The following ARMC9 variants were observed in gnomAD, a reference collection of about 807,000 sequenced individuals.
The protein encoded by ARMC9 is armadillo repeat containing 9.
A neutral mutation model predicts 107.0 loss-of-function variants in ARMC9; 94 were observed. The ratio of observed to expected loss-of-function variants is 0.88; its 90% CI spans 0.74 to 1.04. The LOEUF (loss-of-function observed/expected upper bound fraction) is 1.04, where lower values mean the gene tolerates loss of function less well. ARMC9 is among the 50% of genes least tolerant of loss of function. ARMC9 has a pLI of 0.00. For synonymous variants in ARMC9, 380 were observed against 396.9 expected, an observed-to-expected ratio of 0.96 and a Z score of 0.51; for missense variants, 942 against 1,030.1, an observed-to-expected ratio of 0.91 and a Z score of 1.17.
chr2:231,359,600 C>T (rs956330002), intron 22 of ARMC9, among the ~76,000 whole-genome samples: 3 of 152,176 alleles, frequency 2.0e-5, no homozygotes, highest in African/African-American at 7.2e-5. Context: ...CTGGCGTGGG[C>T]ACAGCTTTGT....
In ARMC9 at chr2:231,278,549, A is replaced by G. The variant is rs571435359; in HGVS notation, c.1551+91A>G. ...CCCACAGGCACACAGCTGGCCCAGG[A>G]TGGTTGCTGTATTTGAAAACTGTAC... On this transcript the variant is annotated intron_variant, in intron 16 of 24. Transcript: ENST00000611582. The G allele has an allele frequency of 2.3e-4, 259 of 1,149,320 alleles. 5 individuals carry two copies. In the Middle Eastern group the frequency reaches 3.4e-3, roughly 15 times the overall value. The allele number at this position is 1,149,320 out of a possible 1,614,324, so 71.2% of individuals were successfully genotyped here.
chr2:231,371,734 G>T lies in ARMC9; in HGVS notation c.*199G>T. On this transcript the variant is annotated 3_prime_UTR_variant, in exon 25 of 25. Coordinates refer to ENST00000611582, the MANE Select transcript of ARMC9 (RefSeq NM_001352754.2). ...AGCCGGGTCACTTTCTCCCAGGGCA[G>T]AGCCACCAAGGAGGGCTGGGGAGAG... The T allele has an allele frequency of 2.2e-6, 1 of 463,090 alleles. No homozygotes were observed. Among genetic ancestry groups the T allele is most frequent in the Non-Finnish European group, 3.5e-6 (1 of 286,368 alleles). The allele number at this position is 463,090 out of a possible 1,614,324, so 28.7% of individuals were successfully genotyped here.
intron 19 of ARMC9, among the ~76,000 whole-genome samples, chr2:231,306,293 A>C (rs1455387282): frequency 6.6e-6 from 1 of 152,174 alleles, no homozygotes. Context: ...GTATGTCTCC[A>C]TTGTTTTGAG....
chr2:231,278,259 G>C, intron 15 of ARMC9, 123 bp from the exon 16 acceptor site: 1 of 887,702 alleles, frequency 1.1e-6, no homozygotes, highest in Non-Finnish European at 1.9e-6. Context: ...AGGTCATACA[G>C]CTCACCCGAG....
At chr2:231,318,011 C>T (rs1307080127) in intron 19 of ARMC9, among the ~76,000 whole-genome samples, 1 of 150,034 alleles carries the variant, frequency 6.7e-6, no homozygotes, top group Non-Finnish European at 1.5e-5. Context: ...AAGTTAGTTT[C>T]TCTTGTCTAT....
At chr2:231,251,398 C>T (rs2037286772) in intron 9 of ARMC9, among the ~76,000 whole-genome samples, 1 of 152,128 alleles carries the variant, frequency 6.6e-6, no homozygotes, top group South Asian at 2.1e-4. Context: ...AACACCTGAC[C>T]TTGTGATTCA....
intron 18 of ARMC9, chr2:231,295,571 G>A (rs2125481511): frequency 6.6e-6 from 1 of 152,366 alleles, no homozygotes; most frequent in African/African-American, 2.4e-5. Context: ...CTACAGAGGA[G>A]GAAGCCGGGG....
intron 19 of ARMC9, among the ~76,000 whole-genome samples, chr2:231,303,665 C>T (rs768223966): frequency 7.9e-5 from 12 of 152,100 alleles, no homozygotes; most frequent in Non-Finnish European, 1.5e-4. Flanking sequence ...AGACCAGGTG[C>T]GGTGGCTCAT....
At chr2:231,243,545 A>T (rs1474445167) in intron 9 of ARMC9, among the ~76,000 whole-genome samples, 5 of 152,218 alleles carry the variant, frequency 3.3e-5, no homozygotes, top group African/African-American at 1.2e-4. Context: ...CCCGACTGTT[A>T]TGTTAGCAGC....
At chr2:231,201,087 A>AG (rs1158961393) in intron 1 of ARMC9, among the ~76,000 whole-genome samples, 2 of 152,120 alleles carry the variant, frequency 1.3e-5, no homozygotes, top group East Asian at 3.9e-4. Context: ...GGGATCAGGT[A>AG]GGGGGAGGTG....
At chr2:231,342,168 G>T (rs545828124) in intron 20 of ARMC9, among the ~76,000 whole-genome samples, 12 of 152,338 alleles carry the variant, frequency 7.9e-5, no homozygotes, top group Non-Finnish European at 1.6e-4. Flanking sequence ...GCAAGAACAG[G>T]CTGGGAAGCA....
At chr2:231,234,240 A>G (rs1308058354) in intron 7 of ARMC9, among the ~76,000 whole-genome samples, 2 of 152,204 alleles carry the variant, frequency 1.3e-5, no homozygotes, top group African/African-American at 2.4e-5. Context: ...ATGGGCAAAG[A>G]AGTGCCAACA....
intron 19 of ARMC9, among the ~76,000 whole-genome samples, chr2:231,312,364 A>G (rs939128261): frequency 6.6e-6 from 1 of 152,212 alleles, no homozygotes; most frequent in Non-Finnish European, 1.5e-5. Flanking sequence ...TCAGGGCCTC[A>G]TTTCTGCCAA....
intron 9 of ARMC9, among the ~76,000 whole-genome samples, chr2:231,251,889 C>A (rs1484210865): frequency 6.6e-6 from 1 of 152,136 alleles, no homozygotes; most frequent in East Asian, 1.9e-4. Context: ...CCACACCTGG[C>A]TAATTTTTAC....
chr2:231,264,612 T>G (rs1559372080), intron 12 of ARMC9, among the ~76,000 whole-genome samples: 1 of 150,890 alleles, frequency 6.6e-6, no homozygotes, highest in Non-Finnish European at 1.5e-5. Flanking sequence ...ATTCTCTTGC[T>G]TCAGCCTCCC....
rs75224399 is a variant in ARMC9 at position 231,312,150 on chromosome 2, T to A, written c.1773+15897T>A. Among the ~76,000 whole-genome samples, 276 of 152,334 alleles carry A rather than the reference T, an allele frequency of 1.8e-3. 1 individual carries two copies. Among genetic ancestry groups the A allele is most frequent in the African/African-American group, 6.4e-3 (266 of 41,578 alleles). On this transcript the variant is annotated intron_variant, in intron 19 of 24. Transcript: ENST00000611582. The stretch of plus-strand genomic sequence containing the variant: ...CTCTGCTGGTTTCACCTGGACTTAC[T>A]CATGTGGCTTCATTCGGCTGGATGT...
At chr2:231,230,224 G>T (rs558532909) in intron 7 of ARMC9, among the ~76,000 whole-genome samples, 1 of 151,894 alleles carries the variant, frequency 6.6e-6, no homozygotes, top group East Asian at 1.9e-4. Context: ...TTAACCGAGC[G>T]TGGCGACGTA....
Position 231,333,716 on chromosome 2 carries a change from G to A in ARMC9, c.1878+1819G>A, listed in dbSNP as rs114453004. On this transcript the variant is annotated intron_variant, in intron 20 of 24. Transcript: ENST00000611582. Reference sequence around the variant, plus strand: ...TTGGTGGGGCTTCCTCAGAGGGCACGTGTTGATACCTGTTGAGACCGCGAC... The same window carrying A: ...TTGGTGGGGCTTCCTCAGAGGGCACATGTTGATACCTGTTGAGACCGCGAC... Among the ~76,000 whole-genome samples the A allele has an allele frequency of 2.8e-3, 429 of 152,322 alleles. 2 individuals are homozygous for A. The highest frequency in any genetic ancestry group is 4.0e-3 in the Non-Finnish European group (273 of 68,040).
At position 231,214,832 on chromosome 2, in the gene ARMC9, A is replaced by G; in HGVS notation, c.179A>G (p.Lys60Arg). 1 of 1,613,862 alleles carries G rather than the reference A, an allele frequency of 6.2e-7. No homozygotes were observed. The highest frequency in any genetic ancestry group is 8.5e-7 in the Non-Finnish European group (1 of 1,179,800). ...TGTAGTCTGATGTCTTCTCCACAGA[A>G]GGATCTTGTCGCTGCATTTGACAAC... The part of the protein sequence containing the change: ...FRDSKSLTIQ[K>R]DLVAAFDNGD... The change falls in exon 4 of 25, where the codon AAG becomes AGG. Residue 60 changes from lysine (K) to arginine (R), a missense_variant and splice_region_variant. By Grantham distance (26) the Lys-to-Arg change is conservative. Transcript: ENST00000611582.
Sources: gnomAD v4.1 joint callset for allele counts (sites outside exome capture counted in the v4.1 genomes callset) on GRCh38, gnomAD v4.1.1 for gene constraint, MANE v1.5 for transcripts, NCBI Gene and HGNC (gene_info 2026-07-23, HGNC 2026-07-21) for gene names.